Variants in TMEM132D observed in about 807,000 individuals in gnomAD.
The protein encoded by TMEM132D is transmembrane protein 132D.
Under a neutral mutation model 62.3 loss-of-function variants are expected in TMEM132D, and 21 were observed. That is an observed-to-expected ratio of 0.34 (90% CI 0.24 to 0.49). The LOEUF is 0.49. Among genes scored for constraint, TMEM132D ranks in the 20% least tolerant of loss-of-function variants. The pLI is 0.99. For missense variants in TMEM132D, 1,346 were observed against 1,402.8 expected (o/e 0.96, Z 0.65); for synonymous variants, 621 against 575.6 (o/e 1.08, Z -1.13).
intron 2 of TMEM132D, among the ~76,000 whole-genome samples, chr12:129,641,523 C>T (rs979511775): frequency 1.3e-5 from 2 of 152,168 alleles, no homozygotes; most frequent in South Asian, 2.1e-4. Flanking sequence ...AACGCACATC[C>T]GTACAACTTC....
intron 4 of TMEM132D, among the ~76,000 whole-genome samples, chr12:129,305,562 T>C (rs1400670261): frequency 6.6e-6 from 1 of 152,160 alleles, no homozygotes; most frequent in Non-Finnish European, 1.5e-5. Flanking sequence ...GCCATCCAAA[T>C]GTATGGTATA....
chr12:129,431,494 G>T (rs1490196731), intron 3 of TMEM132D, among the ~76,000 whole-genome samples: 1 of 152,144 alleles, frequency 6.6e-6, no homozygotes, highest in African/African-American at 2.4e-5. Context: ...TTTGGGGACT[G>T]AGTTGCATAC....
chr12:129,450,757 T>C (rs1873252092), intron 3 of TMEM132D, among the ~76,000 whole-genome samples: 2 of 60,566 alleles, frequency 3.3e-5, no homozygotes, highest in Non-Finnish European at 4.3e-5. Flanking sequence ...CTTCTTTTTT[T>C]TTTTTTTTTT....
chr12:129,339,974 A>C (rs1482121317), intron 3 of TMEM132D, among the ~76,000 whole-genome samples: 1 of 152,198 alleles, frequency 6.6e-6, no homozygotes, highest in Non-Finnish European at 1.5e-5. Flanking sequence ...CCGCAGTAGA[A>C]TACTGGATGC....
At chr12:129,627,141 C>T (rs796247750) in intron 2 of TMEM132D, among the ~76,000 whole-genome samples, 7 of 152,264 alleles carry the variant, frequency 4.6e-5, no homozygotes, top group African/African-American at 1.7e-4. Context: ...TTACACATGA[C>T]GAGAACTAGG....
chr12:129,698,998 TG>T (rs1476252929), intron 2 of TMEM132D, among the ~76,000 whole-genome samples: 1 of 152,124 alleles, frequency 6.6e-6, no homozygotes, highest in East Asian at 1.9e-4. Context: ...GTCAAATTGT[TG>T]AGTTATGTAG....
chr12:129,158,927 G>A (rs1017318553), intron 5 of TMEM132D, among the ~76,000 whole-genome samples: 2 of 152,160 alleles, frequency 1.3e-5, no homozygotes, highest in Non-Finnish European at 1.5e-5. Flanking sequence ...CAGGAGAGAG[G>A]AAGCAAGGGA....
chr12:129,431,252 C>A (rs1566066441), intron 3 of TMEM132D, among the ~76,000 whole-genome samples: 1 of 152,222 alleles, frequency 6.6e-6, no homozygotes, highest in Non-Finnish European at 1.5e-5. Flanking sequence ...ACAGTTCCAG[C>A]AGCTAAGCCT....
In TMEM132D at chr12:129,802,634, C is replaced by T. The variant is rs372481369; in HGVS notation, c.79+100627G>A. Among the ~76,000 whole-genome samples the T allele has an allele frequency of 9.1e-5, 12 of 131,580 alleles. No individual in the cohort carries two copies. In the East Asian group the frequency reaches 1.1e-3, roughly 12 times the overall value. 86.3% of individuals were successfully genotyped at this position (131,580 alleles called of 152,430 possible). ...ACTAGGAAGAAACTGCATCAACTAACGAGCAAAATAACCAGCTAACATCAT... is the reference window on the plus strand; with the variant it reads ...ACTAGGAAGAAACTGCATCAACTAATGAGCAAAATAACCAGCTAACATCAT... On this transcript the variant is annotated intron_variant, in intron 1 of 8. Transcript: ENST00000422113.
rs1035088107 is a variant in TMEM132D, at chr12:129,762,745, G to A, written c.80-62047C>T. 3.9e-5 allele frequency among the ~76,000 whole-genome samples: 6 copies of A among 152,038 alleles called. No homozygotes were observed. The East Asian group carries it at 7.8e-4, about 20-fold the overall frequency. On this transcript the variant is annotated intron_variant, in intron 1 of 8. Coordinates refer to ENST00000422113, the MANE Select transcript of TMEM132D (RefSeq NM_133448.3). ...TTAAACATATATTGTACAAATCAAAGGGTTTATCCTTGTTTGGGGAGATGA... is the reference window on the plus strand; with the variant it reads ...TTAAACATATATTGTACAAATCAAAAGGTTTATCCTTGTTTGGGGAGATGA...
intron 1 of TMEM132D, among the ~76,000 whole-genome samples, chr12:129,721,442 C>T (rs1233195308): frequency 2.6e-5 from 4 of 152,284 alleles, no homozygotes; most frequent in Admixed American, 1.3e-4. Flanking sequence ...CAAACAAGAA[C>T]CTAATTATGC....
At chr12:129,415,942 T>G (rs1245738858) in intron 3 of TMEM132D, among the ~76,000 whole-genome samples, 2 of 152,242 alleles carry the variant, frequency 1.3e-5, no homozygotes, top group Non-Finnish European at 2.9e-5. Flanking sequence ...AGACACATTC[T>G]GCTCGGCTTA....
At chr12:129,795,071 TTGAC>T (rs143430056) in intron 1 of TMEM132D, among the ~76,000 whole-genome samples, 2,114 of 152,326 alleles carry the variant, frequency 0.014, 56 homozygotes, top group African/African-American at 0.049. Flanking sequence ...AGGAGGTTGA[TTGAC>T]TATTTCATAG....
chr12:129,631,385 G>T (rs757686046), intron 2 of TMEM132D, among the ~76,000 whole-genome samples: 1 of 152,300 alleles, frequency 6.6e-6, no homozygotes, highest in Middle Eastern at 3.4e-3. Flanking sequence ...TAAAGCCTGG[G>T]TTAACAGAGA....
intron 2 of TMEM132D, among the ~76,000 whole-genome samples, chr12:129,695,013 A>T (rs1480195820): frequency 1.3e-5 from 2 of 152,152 alleles, no homozygotes; most frequent in Non-Finnish European, 2.9e-5. Flanking sequence ...GTCTCAAAAA[A>T]ATAAAAAATA....
chr12:129,376,155 C>T (rs966585664), intron 3 of TMEM132D, among the ~76,000 whole-genome samples: 3 of 152,118 alleles, frequency 2.0e-5, no homozygotes, highest in Non-Finnish European at 4.4e-5. Context: ...ACAACAATCC[C>T]ATTTTTAATA....
intron 4 of TMEM132D, among the ~76,000 whole-genome samples, chr12:129,257,660 T>G (rs895079028): frequency 6.6e-6 from 1 of 152,142 alleles, no homozygotes; most frequent in Non-Finnish European, 1.5e-5. Flanking sequence ...TTCTTCTAGA[T>G]GCAGGGGTGG....
intron 5 of TMEM132D, among the ~76,000 whole-genome samples, chr12:129,188,089 A>G (rs1419283509): frequency 6.6e-6 from 1 of 152,214 alleles, no homozygotes; most frequent in South Asian, 2.1e-4. Context: ...CCTCTTTGCA[A>G]CAGAACTCTG....
intron 2 of TMEM132D, among the ~76,000 whole-genome samples, chr12:129,699,478 C>T (rs914772939): frequency 6.6e-6 from 1 of 152,150 alleles, no homozygotes; most frequent in Non-Finnish European, 1.5e-5. Context: ...TTTAACTCTC[C>T]CAATTTTGAA....
Sources: gnomAD v4.1 joint callset for allele counts (sites outside exome capture counted in the v4.1 genomes callset) on GRCh38, gnomAD v4.1.1 for gene constraint, MANE v1.5 for transcripts, NCBI Gene and HGNC (gene_info 2026-07-23, HGNC 2026-07-21) for gene names.